CACNA2D2: variants seen among roughly 807,000 people sequenced by gnomAD.
CACNA2D2 encodes the protein calcium voltage-gated channel auxiliary subunit alpha2delta 2.
A neutral mutation model predicts 166.4 loss-of-function variants in CACNA2D2; 48 were observed. That is an observed-to-expected ratio of 0.29 (90% confidence interval 0.23 to 0.37). The LOEUF (loss-of-function observed/expected upper bound fraction) is 0.37. Among genes scored for constraint, CACNA2D2 ranks in the 10% least tolerant of loss-of-function variants. The pLI, the probability that CACNA2D2 is intolerant of heterozygous loss-of-function variation, is 1.00. For synonymous variants in CACNA2D2, 561 were observed against 573.7 expected (o/e 0.98, Z 0.32); for missense variants, 1,122 against 1,433.0 (o/e 0.78, Z 3.50).
At chr3:50,419,895 A>C (rs1707466381) in intron 3 of CACNA2D2, 2 of 152,270 alleles carry the variant, frequency 1.3e-5, no homozygotes, top group South Asian at 4.1e-4. Context: ...TGGGTGCTGT[A>C]GGCTTTAGGG....
chr3:50,460,746 C>T (rs1415855456), intron 2 of CACNA2D2, among the ~76,000 whole-genome samples: 2 of 151,530 alleles, frequency 1.3e-5, no homozygotes, highest in Non-Finnish European at 2.9e-5. Flanking sequence ...CCCAGCTACT[C>T]GGGGGGCTGA....
Position 50,472,327 on chromosome 3 carries a change from C to T in CACNA2D2, c.288+3791G>A, listed in dbSNP as rs528712258. 1.6e-4 allele frequency among the ~76,000 whole-genome samples: 24 copies of T among 152,328 alleles called. No individual in the cohort carries two copies. The South Asian group carries it at 2.5e-3, about 16-fold the overall frequency. On this transcript the variant is annotated intron_variant, in intron 2 of 37. Transcript: ENST00000424201. ...TATGCCATTTCTGCCCTGACCAGCG[C>T]GCAAGCTATGAGTGGTTGATGAGGA...
At chr3:50,434,150 G>A (rs968319385) in intron 3 of CACNA2D2, among the ~76,000 whole-genome samples, 163 bp downstream of exon 3, 9 of 152,118 alleles carry the variant, frequency 5.9e-5, no homozygotes, top group African/African-American at 1.9e-4. Context: ...TGTTCCTGCC[G>A]CAGCTGCCCA....
chr3:50,454,689 G>T (rs1417420086), intron 2 of CACNA2D2, among the ~76,000 whole-genome samples: 2 of 152,136 alleles, frequency 1.3e-5, no homozygotes, highest in Non-Finnish European at 1.5e-5. Context: ...CTTATACTCG[G>T]TGAGCTAAAA....
intron 1 of CACNA2D2, among the ~76,000 whole-genome samples, chr3:50,500,606 G>A (rs1396207149): frequency 6.6e-6 from 1 of 152,172 alleles, no homozygotes; most frequent in African/African-American, 2.4e-5. Context: ...GAAAAAGGAG[G>A]CAGGTGAAAG....
intron 1 of CACNA2D2, among the ~76,000 whole-genome samples, chr3:50,489,106 T>G (rs1156448439): frequency 6.6e-6 from 1 of 152,204 alleles, no homozygotes; most frequent in African/African-American, 2.4e-5. Context: ...TGACTGGATG[T>G]TCCATCCTTA....
In CACNA2D2 at chr3:50,420,527, T is replaced by G. The variant is rs550968114; in HGVS notation, c.405+13786A>C. On this transcript the variant is annotated intron_variant, in intron 3 of 37. Coordinates refer to ENST00000424201, the MANE Select transcript of CACNA2D2 (RefSeq NM_006030.4). ...TCAGGGCCAAGGCTTGGGCCACATATGACCCACTGCGGGGCTGTATACATA... is the reference window on the plus strand; with the variant it reads ...TCAGGGCCAAGGCTTGGGCCACATAGGACCCACTGCGGGGCTGTATACATA... 4.1e-3 allele frequency among the ~76,000 whole-genome samples: 627 copies of G among 152,352 alleles called. 8 individuals are homozygous for G. Among genetic ancestry groups the G allele is most frequent in the African/African-American group, 0.014 (573 of 41,578 alleles).
In CACNA2D2 at chr3:50,380,554, C is replaced by T. The variant is rs1056012928; in HGVS notation, c.842+194G>A. On this transcript the variant is annotated intron_variant, in intron 8 of 37. Transcript: ENST00000424201. This position sits in a 1 kb window ranked among gnomAD's most constrained non-coding sequence, Gnocchi z 4.9. ...GTGGGTGGGGGTGCTGGGCAGTGGA[C>T]GGGGGGCATGGCAGCTGGGAGGCCT... 9.9e-5 allele frequency among the ~76,000 whole-genome samples: 15 copies of T among 151,856 alleles called. No individual in the cohort carries two copies. The highest frequency in any genetic ancestry group is 1.5e-4 in the Non-Finnish European group (10 of 67,946).
At chr3:50,501,819 G>A (rs1239264201) in intron 1 of CACNA2D2, among the ~76,000 whole-genome samples, 1 of 152,146 alleles carries the variant, frequency 6.6e-6, no homozygotes, top group Non-Finnish European at 1.5e-5. Flanking sequence ...CACGGCAAAT[G>A]AAAGACAATA....
intron 23 of CACNA2D2, among the ~76,000 whole-genome samples, chr3:50,368,545 A>G (rs1704477977): frequency 6.6e-6 from 1 of 152,196 alleles, no homozygotes. Flanking sequence ...GAAAGGCCCC[A>G]GGAAATGCCT....
intron 3 of CACNA2D2, among the ~76,000 whole-genome samples, chr3:50,409,848 T>C (rs1171535366): frequency 6.6e-6 from 1 of 152,218 alleles, no homozygotes; most frequent in African/African-American, 2.4e-5. Context: ...TGGCTGGGGA[T>C]GGACCCAGCG....
In CACNA2D2 at chr3:50,431,254, C is replaced by T. The variant is rs184484942; in HGVS notation, c.405+3059G>A. ...AAAGGGACCAGGACTTGATTAAAAGCACATTTAAAACATAATTAAAACCAA... is the reference window on the plus strand; with the variant it reads ...AAAGGGACCAGGACTTGATTAAAAGTACATTTAAAACATAATTAAAACCAA... On this transcript the variant is annotated intron_variant, in intron 3 of 37. Transcript: ENST00000424201. 1.0e-3 allele frequency among the ~76,000 whole-genome samples: 159 copies of T among 152,212 alleles called. 2 individuals carry two copies. In the South Asian group the frequency reaches 0.015, roughly 15 times the overall value.
Position 50,376,219 on chromosome 3 carries a change from G to A in CACNA2D2, c.1627-31C>T, listed in dbSNP as rs1217821581. 9 of 1,609,996 alleles carry A rather than the reference G, an allele frequency of 5.6e-6. No homozygotes were observed. Among genetic ancestry groups the A allele is most frequent in the Non-Finnish European group, 7.6e-6 (9 of 1,177,646 alleles). On this transcript the variant is annotated intron_variant, in intron 17 of 37. Transcript: ENST00000424201. This position sits in a 1 kb window ranked among gnomAD's most constrained non-coding sequence, Gnocchi z 4.3. ...GGCACAGATTGGGGGCTCAGGGTCTGGAGGGATGGGCTGGGGTTCCCTGGG... is the reference window on the plus strand; with the variant it reads ...GGCACAGATTGGGGGCTCAGGGTCTAGAGGGATGGGCTGGGGTTCCCTGGG...
intron 2 of CACNA2D2, among the ~76,000 whole-genome samples, chr3:50,463,244 A>G (rs1445753168): frequency 6.6e-6 from 1 of 152,154 alleles, no homozygotes; most frequent in Admixed American, 6.5e-5. Flanking sequence ...GGCATCTGAG[A>G]GATAATGCCA....
At chr3:50,393,450 C>T (rs1705984909) in intron 4 of CACNA2D2, among the ~76,000 whole-genome samples, 1 of 152,258 alleles carries the variant, frequency 6.6e-6, no homozygotes. Flanking sequence ...GTATCCAGCC[C>T]CAGGCAAAAT....
intron 2 of CACNA2D2, among the ~76,000 whole-genome samples, chr3:50,466,854 G>C (rs1486711162): frequency 6.6e-6 from 1 of 152,216 alleles, no homozygotes; most frequent in Non-Finnish European, 1.5e-5. Flanking sequence ...AGAGATTCCT[G>C]ACAACCCCCA....
At chr3:50,478,407 T>C (rs1697894856) in intron 1 of CACNA2D2, among the ~76,000 whole-genome samples, 1 of 152,120 alleles carries the variant, frequency 6.6e-6, no homozygotes, top group African/African-American at 2.4e-5. Flanking sequence ...GGCAGACAAA[T>C]GGGCAGAGTG....
chr3:50,409,851 A>G (rs2106794165), intron 3 of CACNA2D2, among the ~76,000 whole-genome samples: 1 of 152,222 alleles, frequency 6.6e-6, no homozygotes, highest in South Asian at 2.1e-4. Flanking sequence ...CTGGGGATGG[A>G]CCCAGCGGGC....
At chr3:50,447,633 GC>G (rs1294719236) in intron 2 of CACNA2D2, among the ~76,000 whole-genome samples, 1 of 152,170 alleles carries the variant, frequency 6.6e-6, no homozygotes. Context: ...CCTGGGGCCT[GC>G]AGGGCGTGAC....
Sources: allele counts gnomAD v4.1 joint callset (sites outside exome capture counted in the v4.1 genomes callset), GRCh38; gene constraint gnomAD v4.1.1; non-coding constraint Gnocchi (gnomAD v3.1); transcripts MANE v1.5; gene names NCBI Gene and HGNC (gene_info 2026-07-23, HGNC 2026-07-21).